RALGAPB: variants seen among roughly 807,000 people sequenced by gnomAD.
RALGAPB encodes ral GTPase-activating protein subunit beta.
In RALGAPB, 25 loss-of-function variants were observed where a neutral mutation model predicts 161.1. The ratio of observed to expected loss-of-function variants is 0.16; its 90% CI spans 0.11 to 0.22. RALGAPB has a LOEUF of 0.22. Among genes scored for constraint, RALGAPB ranks in the 10% least tolerant of loss-of-function variants. RALGAPB has a pLI of 1.00. For synonymous variants in RALGAPB, 629 were observed against 626.1 expected (o/e 1.00, Z -0.07); for missense variants, 1,391 against 1,815.2 (o/e 0.77, Z 4.25).
At chr20:38,521,431 T>G in intron 9 of RALGAPB, 66 bp from the exon 10 acceptor site, 1 of 1,596,592 alleles carries the variant, frequency 6.3e-7, no homozygotes, top group Non-Finnish European at 8.5e-7. Flanking sequence ...GATCTTTGTG[T>G]CCAGGGTCCC....
intron 15 of RALGAPB, 125 bp downstream of exon 15, chr20:38,532,984 A>T (rs2086702308): frequency 1.8e-6 from 2 of 1,106,264 alleles, no homozygotes; most frequent in Admixed American, 5.6e-5. Context: ...AATAGAGAGG[A>T]TGTCAGTCTT....
intron 10 of RALGAPB, among the ~76,000 whole-genome samples, chr20:38,522,955 T>C (rs76588702): frequency 0.021 from 3,262 of 152,304 alleles, 45 homozygotes; most frequent in Admixed American, 0.038. Context: ...TTCTCTTCTC[T>C]GCAGATCATT....
chr20:38,568,624 A>G (rs956668308), intron 26 of RALGAPB: 2 of 152,186 alleles, frequency 1.3e-5, no homozygotes, highest in Non-Finnish European at 2.9e-5. Context: ...ATGATCATGT[A>G]AGTAGAAAAC....
chr20:38,564,318 G>A (rs1281476363), intron 24 of RALGAPB, among the ~76,000 whole-genome samples: 1 of 152,212 alleles, frequency 6.6e-6, no homozygotes, highest in Admixed American at 6.5e-5. Flanking sequence ...ACAGAATCGA[G>A]TAGTTGTGGC....
At chr20:38,522,510 A>G (rs2086321197) in intron 10 of RALGAPB, among the ~76,000 whole-genome samples, 2 of 152,114 alleles carry the variant, frequency 1.3e-5, no homozygotes, top group Admixed American at 6.5e-5. Context: ...CTCCTAAATT[A>G]ACTCATAATG....
chr20:38,574,320 G>C lies in RALGAPB; in HGVS notation c.4291+22G>C, dbSNP rs773088737. 2.6e-6 allele frequency: 4 copies of C among 1,560,420 alleles called. No individual in the cohort carries two copies. The East Asian group carries it at 9.2e-5, about 36-fold the overall frequency. On this transcript the variant is annotated intron_variant, in intron 29 of 29. Transcript: ENST00000262879. ...CTTGGTAAGGTCTTCATATGTGGCCGAAGAGTTAAATTTTCTTTTTCTTTA... is the reference window on the plus strand; with the variant it reads ...CTTGGTAAGGTCTTCATATGTGGCCCAAGAGTTAAATTTTCTTTTTCTTTA...
At chr20:38,537,287 C>T (rs2086835648) in intron 16 of RALGAPB, among the ~76,000 whole-genome samples, 1 of 151,966 alleles carries the variant, frequency 6.6e-6, no homozygotes, top group Non-Finnish European at 1.5e-5. Flanking sequence ...ATTGGATAGT[C>T]ATACACACAA....
Position 38,509,131 on chromosome 20 carries a change from A to C in RALGAPB, c.795A>C (p.Glu265Asp). Residue 265 changes from glutamate to aspartate, a missense_variant, in exon 6 of 30, where the codon GAA becomes GAC. Physicochemically the swap from Glu to Asp is conservative, Grantham distance 45. Coordinates refer to ENST00000262879, the MANE Select transcript of RALGAPB (RefSeq NM_020336.4). ...TTCCTGCATTTAAAGTTCCCGATGAAGATGCCAGTCTGATCCCTCCAGAAA... is the reference window on the plus strand; with the variant it reads ...TTCCTGCATTTAAAGTTCCCGATGACGATGCCAGTCTGATCCCTCCAGAAA... ...PSFPAFKVPD[E>D]DASLIPPEMD... is the part of the protein sequence containing the mutation. 1 of 1,613,506 alleles carries C rather than the reference A, an allele frequency of 6.2e-7. No individual in the cohort carries two copies. Among genetic ancestry groups the C allele is most frequent in the Non-Finnish European group, 8.5e-7 (1 of 1,179,400 alleles).
intron 5 of RALGAPB, among the ~76,000 whole-genome samples, chr20:38,508,693 T>C (rs1701425017): frequency 1.3e-5 from 2 of 152,200 alleles, no homozygotes; most frequent in African/African-American, 2.4e-5. Flanking sequence ...ATATAAAATA[T>C]ATACAACAGC....
intron 13 of RALGAPB, among the ~76,000 whole-genome samples, chr20:38,530,854 G>A (rs547377926): frequency 4.0e-5 from 6 of 149,712 alleles, no homozygotes; most frequent in Admixed American, 1.3e-4. Flanking sequence ...GCCACCCAAA[G>A]TGCTGGGATT....
chr20:38,539,937 C>T lies in RALGAPB; in HGVS notation c.2541C>T (p.His847=). 1.2e-6 allele frequency: 2 copies of T among 1,611,044 alleles called. No homozygotes were observed. Among genetic ancestry groups the T allele is most frequent in the African/African-American group, 1.3e-5 (1 of 74,902 alleles). Residue 847 remains histidine, a synonymous_variant, in exon 17 of 30, where the codon CAC becomes CAT. Coordinates refer to ENST00000262879, the MANE Select transcript of RALGAPB (RefSeq NM_020336.4). ...FQCLCVWLTE[H]PDMLDEKDCL... is the part of the protein sequence containing the mutation. The stretch of plus-strand genomic sequence containing the variant: ...GTCTCTGTGTCTGGCTGACAGAGCA[C>T]CCTGATATGCTTGATGAAAAGGTGA...
intron 9 of RALGAPB, among the ~76,000 whole-genome samples, chr20:38,520,955 G>A (rs1397220825): frequency 6.6e-6 from 1 of 152,094 alleles, no homozygotes. Context: ...ATTCTTTGGT[G>A]TGTGTTTTGG....
chr20:38,534,654 T>G (rs1171407904), intron 15 of RALGAPB, among the ~76,000 whole-genome samples: 1 of 152,366 alleles, frequency 6.6e-6, no homozygotes, highest in Non-Finnish European at 1.5e-5. Context: ...AGATGCTTGC[T>G]TCAGAGTAAT....
At chr20:38,497,162 A>AT (rs1568912531) in intron 3 of RALGAPB, among the ~76,000 whole-genome samples, 191 bp from the exon 4 acceptor site, 1 of 152,182 alleles carries the variant, frequency 6.6e-6, no homozygotes, top group Admixed American at 6.6e-5. Context: ...GTAGGTTTAG[A>AT]TTCCAGAGTG....
chr20:38,475,129 G>A (rs2084767116), intron 1 of RALGAPB, among the ~76,000 whole-genome samples: 1 of 152,162 alleles, frequency 6.6e-6, no homozygotes, highest in South Asian at 2.1e-4. Context: ...TGTCTGTAGG[G>A]AAAGTCTTTT....
At chr20:38,513,241 C>T (rs141985766) in intron 6 of RALGAPB, among the ~76,000 whole-genome samples, 5,037 of 150,590 alleles carry the variant, frequency 0.033, 127 homozygotes, top group African/African-American at 0.071. Context: ...TGGTGGCTCA[C>T]GCCTGTAATC....
In RALGAPB at chr20:38,564,686, C is replaced by T. The variant is rs145158341; in HGVS notation, c.3698-673C>T. On this transcript the variant is annotated intron_variant, in intron 24 of 29. Coordinates refer to ENST00000262879, the MANE Select transcript of RALGAPB (RefSeq NM_020336.4). ...TCCTGGCTTAGAGCAGATACTATTA[C>T]TAAAACTGGCTGTACATTTTTATAC... 7.4e-4 allele frequency among the ~76,000 whole-genome samples: 113 copies of T among 152,238 alleles called. 1 individual carries two copies. The East Asian group carries it at 0.02, about 27-fold the overall frequency.
chr20:38,494,896 T>C (rs769575957), intron 3 of RALGAPB, among the ~76,000 whole-genome samples: 2 of 152,244 alleles, frequency 1.3e-5, no homozygotes, highest in Non-Finnish European at 2.9e-5. Context: ...TTGAGTTAAT[T>C]AGGCTTGTGC....
Position 38,577,150 on chromosome 20 carries a change from GATACCC to G in RALGAPB, c.*2189_*2194del, listed in dbSNP as rs765478616. 6.6e-6 allele frequency: 1 copy of G among 152,164 alleles called. No individual in the cohort carries two copies. The highest frequency in any genetic ancestry group is 1.5e-5 in the Non-Finnish European group (1 of 68,038). The allele number at this position is 152,164 out of a possible 1,614,324, so 9.4% of individuals were successfully genotyped here. On this transcript the variant is annotated 3_prime_UTR_variant, in exon 30 of 30. Transcript: ENST00000262879. ...TGTGTACGGAGCCAGTGGAATATGG[GATACCC>G]ATACCTTACCAGGCGCTGGTTCCTT...
Sources: allele counts gnomAD v4.1 joint callset (sites outside exome capture counted in the v4.1 genomes callset), GRCh38; gene constraint gnomAD v4.1.1; transcripts MANE v1.5; gene names NCBI Gene and HGNC (gene_info 2026-07-23, HGNC 2026-07-21).